Variants in BICC1 observed in about 807,000 individuals in gnomAD.
BICC1 encodes the protein protein bicaudal C homolog 1.
A neutral mutation model predicts 111.0 loss-of-function variants in BICC1; 43 were observed. The ratio of observed to expected loss-of-function variants is 0.39; its 90% confidence interval spans 0.30 to 0.50. The LOEUF (loss-of-function observed/expected upper bound fraction) is 0.50. BICC1 is among the 20% of genes least tolerant of loss of function. BICC1 has a pLI of 0.88. For synonymous variants in BICC1, 467 were observed against 434.4 expected (o/e 1.07, Z -0.93); for missense variants, 1,091 against 1,203.2 (o/e 0.91, Z 1.38).
chr10:58,689,709 C>G (rs1017748276), intron 2 of BICC1, among the ~76,000 whole-genome samples: 5 of 152,218 alleles, frequency 3.3e-5, no homozygotes, highest in African/African-American at 1.2e-4. Flanking sequence ...AGCAAACATT[C>G]AGTCCACTGA....
rs958445999 is a variant in BICC1 at position 58,815,341 on chromosome 10, A to G, written c.2533+1355A>G. Among the ~76,000 whole-genome samples the G allele has an allele frequency of 3.1e-4, 47 of 152,328 alleles. 1 individual carries two copies. Among genetic ancestry groups the G allele is most frequent in the Admixed American group, 2.9e-3 (45 of 15,292 alleles). On this transcript the variant is annotated intron_variant, in intron 18 of 20. Coordinates refer to ENST00000373886, the MANE Select transcript of BICC1 (RefSeq NM_001080512.3). ...TTTCATTCCTAAGTACACTGTCAAT[A>G]GTAGCCTGGAGACTTCCCATTAGTT...
intron 3 of BICC1, among the ~76,000 whole-genome samples, chr10:58,707,871 A>AT (rs1564566634): frequency 6.6e-6 from 1 of 151,978 alleles, no homozygotes; most frequent in Non-Finnish European, 1.5e-5. Context: ...CTAATTTTGT[A>AT]TTTTTAGTAG....
At chr10:58,737,301 A>G (rs905905213) in intron 3 of BICC1, among the ~76,000 whole-genome samples, 10 of 151,934 alleles carry the variant, frequency 6.6e-5, no homozygotes, top group African/African-American at 1.9e-4. Flanking sequence ...TCCTGTGTCC[A>G]TGTGTTCTCA....
chr10:58,789,487 A>G (rs777577817), intron 7 of BICC1, 31 bp downstream of exon 7: 22 of 1,572,442 alleles, frequency 1.4e-5, no homozygotes, highest in East Asian at 4.5e-5. Context: ...TGCACATCCT[A>G]TATGTACAAG....
intron 1 of BICC1, among the ~76,000 whole-genome samples, chr10:58,576,261 C>T (rs1469069486): frequency 6.6e-5 from 10 of 152,088 alleles, no homozygotes; most frequent in African/African-American, 1.9e-4. Context: ...TTTTGTATGG[C>T]GTACTGATCC....
At chr10:58,684,614 G>C (rs372942503) in intron 2 of BICC1, among the ~76,000 whole-genome samples, 1 of 152,184 alleles carries the variant, frequency 6.6e-6, no homozygotes, top group African/African-American at 2.4e-5. Flanking sequence ...GAGGGTGTAT[G>C]TGTCAAGGAA....
chr10:58,556,511 T>C (rs1167389963), intron 1 of BICC1, among the ~76,000 whole-genome samples: 15 of 152,120 alleles, frequency 9.9e-5, no homozygotes, highest in Admixed American at 9.2e-4. Context: ...CAATTCCTCT[T>C]ATGCCAGATT....
intron 14 of BICC1, among the ~76,000 whole-genome samples, chr10:58,801,408 G>C (rs1843543210): frequency 6.6e-6 from 1 of 152,086 alleles, no homozygotes; most frequent in Non-Finnish European, 1.5e-5. Context: ...ATTTGGCTTT[G>C]AATTTCTTTC....
intron 3 of BICC1, among the ~76,000 whole-genome samples, chr10:58,740,603 A>G (rs1018476033): frequency 6.7e-6 from 1 of 149,304 alleles, no homozygotes; most frequent in Non-Finnish European, 1.5e-5. Flanking sequence ...GGTGAAAAGA[A>G]AAAAAACCTC....
chr10:58,689,198 A>C (rs1320492675), intron 2 of BICC1, among the ~76,000 whole-genome samples: 3 of 152,158 alleles, frequency 2.0e-5, no homozygotes, highest in East Asian at 3.9e-4. Context: ...CTTATGGCTC[A>C]TGGGTGGAGC....
chr10:58,667,555 T>C (rs1588995196), intron 2 of BICC1, among the ~76,000 whole-genome samples: 1 of 151,152 alleles, frequency 6.6e-6, no homozygotes, highest in East Asian at 1.9e-4. Flanking sequence ...TTAAGTACTC[T>C]TTTTTTTTGG....
chr10:58,694,662 A>G (rs1188721406), intron 2 of BICC1, among the ~76,000 whole-genome samples: 1 of 152,068 alleles, frequency 6.6e-6, no homozygotes, highest in East Asian at 1.9e-4. Context: ...ATTCCATTAA[A>G]ACCTCCTAAT....
intron 3 of BICC1, among the ~76,000 whole-genome samples, chr10:58,744,476 A>G (rs1235236168): frequency 6.6e-6 from 1 of 152,144 alleles, no homozygotes; most frequent in Non-Finnish European, 1.5e-5. Flanking sequence ...AAACTTTGTT[A>G]AAAAATTAGA....
chr10:58,563,391 A>G (rs938471036), intron 1 of BICC1, among the ~76,000 whole-genome samples: 4 of 152,206 alleles, frequency 2.6e-5, no homozygotes, highest in East Asian at 1.9e-4. Flanking sequence ...GGGCTTTCCT[A>G]TAGCAAGCAT....
chr10:58,738,851 T>C (rs1219883770), intron 3 of BICC1, among the ~76,000 whole-genome samples: 1 of 152,012 alleles, frequency 6.6e-6, no homozygotes, highest in East Asian at 1.9e-4. Context: ...TTTGAAGCAA[T>C]TGTGAATGGG....
intron 2 of BICC1, among the ~76,000 whole-genome samples, chr10:58,696,578 C>A (rs1196996093): frequency 6.6e-6 from 1 of 152,164 alleles, no homozygotes; most frequent in African/African-American, 2.4e-5. Context: ...TTTAGATGGA[C>A]TCCTCCAAAA....
At chr10:58,580,922 A>AG (rs1464006193) in intron 1 of BICC1, among the ~76,000 whole-genome samples, 6 of 152,224 alleles carry the variant, frequency 3.9e-5, no homozygotes, top group Admixed American at 1.3e-4. Flanking sequence ...GAGTAAAAAC[A>AG]GAAAAAATTA....
intron 2 of BICC1, among the ~76,000 whole-genome samples, chr10:58,659,725 G>C (rs1838779118): frequency 2.0e-5 from 3 of 152,194 alleles, no homozygotes; most frequent in African/African-American, 7.2e-5. Flanking sequence ...AAAAAAGACT[G>C]TCTTTCAGAA....
chr10:58,721,041 C>G (rs1589060969), intron 3 of BICC1, among the ~76,000 whole-genome samples: 2 of 152,086 alleles, frequency 1.3e-5, no homozygotes, highest in East Asian at 3.9e-4. Context: ...CATTGTCAGC[C>G]CTGTGGAAAT....
Sources: gnomAD v4.1 joint callset for allele counts (sites outside exome capture counted in the v4.1 genomes callset) on GRCh38, gnomAD v4.1.1 for gene constraint, MANE v1.5 for transcripts, NCBI Gene and HGNC (gene_info 2026-07-23, HGNC 2026-07-21) for gene names.